The following MYO7B variants were observed in gnomAD, a reference collection of about 807,000 sequenced individuals.
The protein encoded by MYO7B is myosin VIIB.
MYO7B carries 212 observed loss-of-function variants against 259.7 expected under a neutral mutation model. The observed-to-expected ratio is 0.82, with a 90% CI of 0.73 to 0.91. The LOEUF (loss-of-function observed/expected upper bound fraction) is 0.91, where lower values mean the gene tolerates loss of function less well. Among genes scored for constraint, MYO7B ranks in the 40% least tolerant of loss-of-function variants. MYO7B has a pLI of 0.00. For missense variants in MYO7B, 2,732 were observed against 2,813.5 expected (o/e 0.97, Z 0.66); for synonymous variants, 1,197 against 1,166.4 (o/e 1.03, Z -0.54).
chr2:127,598,697 T>C (rs1679854847), intron 19 of MYO7B, among the ~76,000 whole-genome samples: 2 of 152,238 alleles, frequency 1.3e-5, no homozygotes, highest in African/African-American at 4.8e-5. Flanking sequence ...TTTTTATAGT[T>C]TTAAATATGT....
At chr2:127,608,624 G>T in intron 21 of MYO7B, 84 bp from the exon 22 acceptor site, 1 of 1,436,316 alleles carries the variant, frequency 7.0e-7, no homozygotes, top group Non-Finnish European at 9.3e-7. Context: ...GCTTCTGGGA[G>T]GTGCTTGCCC....
At chr2:127,543,911 AT>A in intron 1 of MYO7B, among the ~76,000 whole-genome samples, 1 of 151,650 alleles carries the variant, frequency 6.6e-6, no homozygotes, top group Non-Finnish European at 1.5e-5. Context: ...CACCCGGCTC[AT>A]TTTTTTGTAT....
chr2:127,603,984 T>G (rs536112204), intron 19 of MYO7B, among the ~76,000 whole-genome samples: 1 of 152,184 alleles, frequency 6.6e-6, no homozygotes, highest in African/African-American at 2.4e-5. Flanking sequence ...ATACAAAAAA[T>G]TAGCCGGGCA....
At chr2:127,594,782 T>C (rs1300430588) in intron 18 of MYO7B, among the ~76,000 whole-genome samples, 1 of 152,228 alleles carries the variant, frequency 6.6e-6, no homozygotes, top group Non-Finnish European at 1.5e-5. Flanking sequence ...CGTGTATTGA[T>C]TTGCATATGT....
At chr2:127,604,561 G>A (rs1919184) in intron 19 of MYO7B, among the ~76,000 whole-genome samples, 517 of 152,262 alleles carry the variant, frequency 3.4e-3, no homozygotes, top group African/African-American at 0.011. Context: ...TGGCTGTTTC[G>A]CGCAAGAGAC....
intron 5 of MYO7B, among the ~76,000 whole-genome samples, chr2:127,568,580 A>G (rs1012729559): frequency 2.0e-5 from 3 of 152,124 alleles, no homozygotes; most frequent in Non-Finnish European, 2.9e-5. Context: ...GATTGTGGGT[A>G]TTTTGATCAT....
At chr2:127,602,001 C>A (rs1341930942) in intron 19 of MYO7B, among the ~76,000 whole-genome samples, 1 of 152,182 alleles carries the variant, frequency 6.6e-6, no homozygotes, top group Admixed American at 6.5e-5. Flanking sequence ...TGTAATTATT[C>A]ATGTTAGAGC....
chr2:127,609,834 G>T lies in MYO7B; in HGVS notation c.3025-15G>T. The T allele has an allele frequency of 6.2e-7, 1 of 1,613,600 alleles. No homozygotes were observed. The highest frequency in any genetic ancestry group is 2.2e-5 in the East Asian group (1 of 44,858). Reference sequence around the variant, plus strand: ...CTGATGGGTTCCCACTGGGCCTTCTGTCTTGTTTCCCCAGGCCGCCCTGGT... The same window carrying T: ...CTGATGGGTTCCCACTGGGCCTTCTTTCTTGTTTCCCCAGGCCGCCCTGGT... On this transcript the variant is annotated splice_polypyrimidine_tract_variant and intron_variant, in intron 23 of 47. Transcript: ENST00000409816. This position sits in a 1 kb window ranked among gnomAD's most constrained non-coding sequence, Gnocchi z 6.9.
At chr2:127,630,755 C>T (rs1235165079) in intron 35 of MYO7B, 23 bp from the exon 36 acceptor site, 1 of 1,611,488 alleles carries the variant, frequency 6.2e-7, no homozygotes, top group Admixed American at 1.7e-5. Context: ...TCCTGGGCAC[C>T]CACAGGCCTG....
chr2:127,610,152 G>A (rs1680323298), intron 24 of MYO7B, 136 bp downstream of exon 24: 2 of 1,196,322 alleles, frequency 1.7e-6, no homozygotes, highest in African/African-American at 3.1e-5. Flanking sequence ...ATGGAACCCA[G>A]CCCCCAGGCC....
In MYO7B at chr2:127,637,387, C is replaced by A; in HGVS notation, c.6399C>A (p.Gly2133=). 1 of 1,569,666 alleles carries A rather than the reference C, an allele frequency of 6.4e-7. No homozygotes were observed. Reference sequence around the variant, plus strand: ...TGAGTGCCATGAACAAGCAGCGGGGCTCCAAGGCCCCAGCCCTGGCCAGCA... The same window carrying A: ...TGAGTGCCATGAACAAGCAGCGGGGATCCAAGGCCCCAGCCCTGGCCAGCA... ...QLLSAMNKQR[G]SKAPALAST The change falls in exon 48 of 48, where the codon GGC becomes GGA. Residue 2133 remains glycine, a synonymous_variant. Coordinates refer to ENST00000409816, the MANE Select transcript of MYO7B (RefSeq NM_001393586.1).
Position 127,626,984 on chromosome 2 carries a change from A to G in MYO7B, c.4225A>G (p.Thr1409Ala), listed in dbSNP as rs1681163536. ...CAGGATCCCCCCTCAGGCCCCATAC[A>G]CTCAGAAGCAAGTCACACCACTGGC... ...VTAACAKAPY[T>A]QKQVTPLAVR... Residue 1409 changes from threonine (T) to alanine (A), a missense_variant, in exon 32 of 48, where the codon ACT (threonine) becomes GCT (alanine). Physicochemically the swap from Thr to Ala is moderately conservative, Grantham distance 58 (BLOSUM62 0). Coordinates refer to ENST00000409816, the MANE Select transcript of MYO7B (RefSeq NM_001393586.1). 1 of 1,610,978 alleles carries G rather than the reference A, an allele frequency of 6.2e-7. No individual in the cohort carries two copies. Among genetic ancestry groups the G allele is most frequent in the African/African-American group, 1.3e-5 (1 of 74,836 alleles).
rs1165897879 is a variant in MYO7B, at chr2:127,627,721, C to A, written c.4460+411C>A. ...GTGTGTCCTGGGGCACAGGGCAGGG[C>A]TGGGGGTCCTCTTAGGCTGGGGCTG... On this transcript the variant is annotated intron_variant, in intron 33 of 47. Coordinates refer to ENST00000409816, the MANE Select transcript of MYO7B (RefSeq NM_001393586.1). This position sits in a 1 kb window ranked among gnomAD's most constrained non-coding sequence, Gnocchi z 5.6. The A allele has an allele frequency of 2.2e-6, 1 of 459,964 alleles. No homozygotes were observed. Among genetic ancestry groups the A allele is most frequent in the Admixed American group, 2.3e-5 (1 of 42,642 alleles). 28.5% of individuals were successfully genotyped at this position (459,964 alleles called of 1,614,324 possible). A position where few individuals can be genotyped will look rare whatever the true frequency, so the allele number is the denominator to read the frequency against.
chr2:127,565,760 C>A (rs112623911), intron 4 of MYO7B, among the ~76,000 whole-genome samples: 4,079 of 152,302 alleles, frequency 0.027, 187 homozygotes, highest in African/African-American at 0.092. Flanking sequence ...CAGCCCAGAT[C>A]CCAAGGTCCT....
Position 127,559,747 on chromosome 2 carries a change from A to C in MYO7B, c.18+7A>C. ...GATGTCGGGGTTCAGGCTGGTAAGA[A>C]TTGTATGATTTGATCTAGGGGTTAT... On this transcript the variant is annotated splice_region_variant and intron_variant, in intron 2 of 47. Transcript: ENST00000409816. This position sits in a 1 kb window ranked among gnomAD's most constrained non-coding sequence, Gnocchi z 4.1. 1 of 1,613,944 alleles carries C rather than the reference A, an allele frequency of 6.2e-7. No homozygotes were observed. Among genetic ancestry groups the C allele is most frequent in the South Asian group, 1.1e-5 (1 of 91,084 alleles).
chr2:127,587,399 T>C (rs946782009), intron 14 of MYO7B, among the ~76,000 whole-genome samples: 6 of 152,102 alleles, frequency 3.9e-5, no homozygotes, highest in African/African-American at 1.4e-4. Flanking sequence ...GAAATGATTG[T>C]CTCAGAGTTC....
At chr2:127,547,927 T>C (rs1490812866) in intron 1 of MYO7B, among the ~76,000 whole-genome samples, 1 of 152,204 alleles carries the variant, frequency 6.6e-6, no homozygotes, top group Non-Finnish European at 1.5e-5. Flanking sequence ...TTGGTAGAAT[T>C]ACCAGTGAAA....
Position 127,620,326 on chromosome 2 carries a change from T to G in MYO7B, c.3399-14T>G, listed in dbSNP as rs1295345780. On this transcript the variant is annotated splice_polypyrimidine_tract_variant and intron_variant, in intron 26 of 47. Transcript: ENST00000409816. Reference sequence around the variant, plus strand: ...AGCCCCCAGCCTACTCTCCTAATGGTCTGTGTCTTTCAGGGATGAGATTTA... The same window carrying G: ...AGCCCCCAGCCTACTCTCCTAATGGGCTGTGTCTTTCAGGGATGAGATTTA... The G allele has an allele frequency of 4.4e-6, 7 of 1,608,982 alleles. No individual in the cohort carries two copies. In the Admixed American group the frequency reaches 8.4e-5, roughly 19 times the overall value.
chr2:127,635,482 A>G (rs1681748968), intron 43 of MYO7B: 1 of 626,380 alleles, frequency 1.6e-6, no homozygotes, highest in South Asian at 2.0e-5. Context: ...CCCATGGAGC[A>G]GTGGCCGTGG....
Sources: gnomAD v4.1 joint callset for allele counts (sites outside exome capture counted in the v4.1 genomes callset) on GRCh38, gnomAD v4.1.1 for gene constraint, Gnocchi (gnomAD v3.1) non-coding constraint, MANE v1.5 for transcripts, NCBI Gene and HGNC (gene_info 2026-07-23, HGNC 2026-07-21) for gene names.